The following KCNG1 variants were observed in gnomAD, a reference collection of about 807,000 sequenced individuals.
The protein encoded by KCNG1 is potassium voltage-gated channel modifier subfamily G member 1.
A neutral mutation model predicts 32.4 loss-of-function variants in KCNG1; 17 were observed. That is an observed-to-expected ratio of 0.52 (90% CI 0.36 to 0.79). KCNG1 has a LOEUF of 0.79. KCNG1 is among the 30% of genes least tolerant of loss of function. The probability of loss-of-function intolerance (pLI) is 0.00; values close to 1 mark genes in which losing one functional copy is unlikely to be tolerated. For missense variants in KCNG1, 441 were observed against 735.2 expected (o/e 0.60, Z 4.63); for synonymous variants, 358 against 339.9 (o/e 1.05, Z -0.59).
intron 1 of KCNG1, among the ~76,000 whole-genome samples, chr20:51,018,034 C>T (rs1297169624): frequency 6.6e-6 from 1 of 152,202 alleles, no homozygotes; most frequent in South Asian, 2.1e-4. Flanking sequence ...TGAGAACATA[C>T]TTCCAAAGAT....
chr20:51,011,017 A>G (rs556140780), intron 1 of KCNG1, among the ~76,000 whole-genome samples: 3 of 152,176 alleles, frequency 2.0e-5, no homozygotes, highest in Non-Finnish European at 2.9e-5. Flanking sequence ...AACCCAGAGA[A>G]GAGTGCTGCT....
chr20:51,017,977 T>G (rs1188939355), intron 1 of KCNG1, among the ~76,000 whole-genome samples: 1 of 152,252 alleles, frequency 6.6e-6, no homozygotes, highest in African/African-American at 2.4e-5. Flanking sequence ...AATTTTTCTA[T>G]CTTTCCTTTG....
chr20:51,013,896 T>C (rs1988182879), intron 1 of KCNG1: 4 of 152,194 alleles, frequency 2.6e-5, no homozygotes, highest in African/African-American at 9.6e-5. Flanking sequence ...GCAAGAATGG[T>C]GATGGAGGTA....
At position 51,005,530 on chromosome 20, in the gene KCNG1, A is replaced by G. The variant is rs1258197120; in HGVS notation, c.775-724T>C. 2 of 152,260 alleles carry G rather than the reference A, an allele frequency of 1.3e-5. No homozygotes were observed. The highest frequency in any genetic ancestry group is 4.8e-5 in the African/African-American group (2 of 41,466). The allele number at this position is 152,260 out of a possible 1,614,324, so 9.4% of individuals were successfully genotyped here. On this transcript the variant is annotated intron_variant, in intron 2 of 2. Transcript: ENST00000371571. This position sits in a 1 kb window ranked among gnomAD's most constrained non-coding sequence, Gnocchi z 4.0. ...CCGAAGCTTTCAAAAGAGGCTGGAA[A>G]TGTGCAGTTTTACATGAACTCTCCT... is the stretch of plus-strand genomic sequence containing the variant.
intron 2 of KCNG1, chr20:51,006,614 C>T (rs1488045887): frequency 6.6e-6 from 1 of 152,312 alleles, no homozygotes; most frequent in Non-Finnish European, 1.5e-5. Context: ...CTCACTGCAA[C>T]CTCCGCTTCC....
Position 51,009,794 on chromosome 20 carries a change from C to T in KCNG1, c.545G>A (p.Arg182Gln). 1 of 1,612,432 alleles carries T rather than the reference C, an allele frequency of 6.2e-7. No individual in the cohort carries two copies. ...KIEEFAEMVE[R>Q]EEEDDALDSE... ...GTCCAGCGCGTCGTCCTCTTCCTCC[C>T]GCTCCACCATCTCCGCGAACTCCTC... Residue 182 changes from arginine (R) to glutamine (Q), a missense_variant, in exon 2 of 3, where the codon CGG becomes CAG. Arg to Gln is a conservative substitution (Grantham distance 43, BLOSUM62 1). This residue lies in a region of KCNG1 where 52 missense variants were observed against 50.3 expected (regional missense o/e 1.03). Transcript: ENST00000371571.
At chr20:51,010,935 A>G (rs868012141) in intron 1 of KCNG1, among the ~76,000 whole-genome samples, 9 of 150,410 alleles carry the variant, frequency 6.0e-5, no homozygotes, top group South Asian at 2.1e-4. Flanking sequence ...AACAAAAAAA[A>G]AAGAAGAAGA....
chr20:51,009,419 T>G, intron 2 of KCNG1, 146 bp downstream of exon 2: 1 of 990,098 alleles, frequency 1.0e-6, no homozygotes, highest in Middle Eastern at 2.1e-4. Flanking sequence ...AGGCAGACCA[T>G]GCACACAAAC....
At position 51,015,091 on chromosome 20, in the gene KCNG1, G is replaced by T. The variant is rs900186326; in HGVS notation, c.-26-4727C>A. Among the ~76,000 whole-genome samples, 2 of 152,192 alleles carry T rather than the reference G, an allele frequency of 1.3e-5. No homozygotes were observed. The highest frequency in any genetic ancestry group is 6.5e-5 in the Admixed American group (1 of 15,274). Reference sequence around the variant, plus strand: ...GAGTCCATGTGTGCCTGCCAGGTCAGTGGACAACGAGTGGGCTGGGGAGCC... The same window carrying T: ...GAGTCCATGTGTGCCTGCCAGGTCATTGGACAACGAGTGGGCTGGGGAGCC... On this transcript the variant is annotated intron_variant, in intron 1 of 2. Coordinates refer to ENST00000371571, the MANE Select transcript of KCNG1 (RefSeq NM_002237.4). The surrounding 1 kb of genome is among the most constrained non-coding windows in gnomAD (Gnocchi z 4.4).
chr20:51,008,397 C>G (rs962744669), intron 2 of KCNG1, among the ~76,000 whole-genome samples: 12 of 152,176 alleles, frequency 7.9e-5, no homozygotes, highest in African/African-American at 2.9e-4. Flanking sequence ...GTGGCGTGAT[C>G]ATGGCTCACT....
chr20:51,022,501 C>G (rs1601112526), intron 1 of KCNG1, among the ~76,000 whole-genome samples: 1 of 152,224 alleles, frequency 6.6e-6, no homozygotes, highest in South Asian at 2.1e-4. Context: ...CACACTCCCC[C>G]ACCCCAATCC....
chr20:51,009,406 G>A (rs1292078890), intron 2 of KCNG1, 159 bp downstream of exon 2: 4 of 898,704 alleles, frequency 4.5e-6, no homozygotes, highest in East Asian at 2.7e-5. Context: ...CATATTAACA[G>A]GGAGGCAGAC....
At chr20:51,007,431 C>T (rs1378348158) in intron 2 of KCNG1, among the ~76,000 whole-genome samples, 4 of 152,122 alleles carry the variant, frequency 2.6e-5, no homozygotes, top group African/African-American at 7.2e-5. Context: ...AGTGATCCAC[C>T]CGCCTCAGCC....
intron 1 of KCNG1, among the ~76,000 whole-genome samples, chr20:51,011,149 A>AT (rs1361359939): frequency 1.3e-5 from 2 of 152,158 alleles, no homozygotes; most frequent in Non-Finnish European, 2.9e-5. Flanking sequence ...CATTCACCTA[A>AT]TAGTGAAATA....
chr20:51,010,182 G>A lies in KCNG1; in HGVS notation c.157C>T (p.Arg53Cys). 2 of 1,603,606 alleles carry A rather than the reference G, an allele frequency of 1.2e-6. No individual in the cohort carries two copies. Among genetic ancestry groups the A allele is most frequent in the Non-Finnish European group, 1.7e-6 (2 of 1,175,160 alleles). ...CGGTCCTCGGGCTGACAGCCCTGGC[G>A]GGGCTCATCCTGCGGCCGCAGCCGC... ...AQRLRPQDEP[R>C]QGCQPEDRRR... is the part of the protein sequence containing the mutation. Residue 53 changes from arginine (R) to cysteine (C), a missense_variant, in exon 2 of 3, where the codon CGC (arginine) becomes TGC (cysteine). Physicochemically the swap from Arg to Cys is radical, Grantham distance 180. Coordinates refer to ENST00000371571, the MANE Select transcript of KCNG1 (RefSeq NM_002237.4).
Position 51,005,515 on chromosome 20 carries a change from C to G in KCNG1, c.775-709G>C, listed in dbSNP as rs1161057426. 6.6e-6 allele frequency: 1 copy of G among 152,248 alleles called. No homozygotes were observed. The highest frequency in any genetic ancestry group is 1.5e-5 in the Non-Finnish European group (1 of 68,078). 9.4% of individuals were successfully genotyped at this position (152,248 alleles called of 1,614,324 possible). A position where few individuals can be genotyped will look rare whatever the true frequency, so the allele number is the denominator to read the frequency against. ...GCTGAGGCTGCCTCACCGAAGCTTT[C>G]AAAAGAGGCTGGAAATGTGCAGTTT... On this transcript the variant is annotated intron_variant, in intron 2 of 2. Transcript: ENST00000371571. This position sits in a 1 kb window ranked among gnomAD's most constrained non-coding sequence, Gnocchi z 4.0.
chr20:51,020,327 G>C (rs949110017), intron 1 of KCNG1, among the ~76,000 whole-genome samples: 4 of 152,116 alleles, frequency 2.6e-5, no homozygotes, highest in African/African-American at 9.7e-5. Flanking sequence ...ACCTCAGGAC[G>C]GCAGGAAGGG....
intron 1 of KCNG1, among the ~76,000 whole-genome samples, chr20:51,016,385 G>A (rs190658685): frequency 9.2e-5 from 14 of 152,166 alleles, no homozygotes; most frequent in African/African-American, 2.9e-4. Flanking sequence ...TGCAGTGAGC[G>A]GAGATGGTGC....
rs1987721122 is a variant in KCNG1 at position 51,004,099 on chromosome 20, C to G, written c.1482G>C (p.Val494=). 6.2e-7 allele frequency: 1 copy of G among 1,614,110 alleles called. No individual in the cohort carries two copies. The highest frequency in any genetic ancestry group is 1.3e-5 in the African/African-American group (1 of 74,942). ...FLIKTKSQLS[V]SQDSDILFGS... The stretch of plus-strand genomic sequence containing the variant: ...CGAACAAGATGTCACTGTCCTGGGA[C>G]ACGCTCAGCTGCGACTTGGTTTTGA... The change falls in exon 3 of 3, where the codon GTG becomes GTC. Residue 494 remains valine, a synonymous_variant. Transcript: ENST00000371571. The surrounding 1 kb of genome is among the most constrained non-coding windows in gnomAD (Gnocchi z 4.3).
Sources: gnomAD v4.1 joint callset for allele counts (sites outside exome capture counted in the v4.1 genomes callset) on GRCh38, gnomAD v4.1.1 for gene constraint, gnomAD v4.1.1 regional missense constraint, Gnocchi (gnomAD v3.1) non-coding constraint, MANE v1.5 for transcripts, NCBI Gene and HGNC (gene_info 2026-07-23, HGNC 2026-07-21) for gene names.